Variants in CDRT4 observed in about 807,000 individuals in gnomAD.
CDRT4 encodes the protein CMT1A duplicated region transcript 4 protein.
For synonymous variants in CDRT4, 64 were observed against 69.6 expected, an observed-to-expected ratio of 0.92 and a Z score of 0.40; for missense variants, 167 against 193.1, an observed-to-expected ratio of 0.87 and a Z score of 0.80.
intron 2 of CDRT4, among the ~76,000 whole-genome samples, chr17:15,442,262 T>C (rs1216928111): frequency 6.6e-6 from 1 of 151,946 alleles, no homozygotes; most frequent in Non-Finnish European, 1.5e-5. Context: ...TATACAAAAT[T>C]AGCTGGGCGT....
intron 1 of CDRT4, among the ~76,000 whole-genome samples, chr17:15,463,113 G>A (rs1471619432): frequency 1.3e-5 from 2 of 152,168 alleles, no homozygotes; most frequent in Admixed American, 6.5e-5. Context: ...GTGTGTGGGT[G>A]TGAGTGTGCC....
Position 15,438,226 on chromosome 17 carries a change from A to G in CDRT4, c.32-26T>C, listed in dbSNP as rs747328379. Reference sequence around the variant, plus strand: ...CTACCAACAAAGAGAAATGCAGGCCATTTAGAGGCAGTCACATGCAATAGC... The same window carrying G: ...CTACCAACAAAGAGAAATGCAGGCCGTTTAGAGGCAGTCACATGCAATAGC... On this transcript the variant is annotated intron_variant, in intron 3 of 3. Transcript: ENST00000619038. 10 of 1,601,274 alleles carry G rather than the reference A, an allele frequency of 6.2e-6. No homozygotes were observed. The African/African-American group carries it at 1.3e-4, about 22-fold the overall frequency.
Position 15,467,554 on chromosome 17 carries a change from C to T in CDRT4, c.-224G>A, listed in dbSNP as rs1469663194. Reference sequence around the variant, plus strand: ...TTTGTCTCCAGCTGTCCCCTGTGCTCTCAATCCCACTTCTCTTTGGCTCTC... The same window carrying T: ...TTTGTCTCCAGCTGTCCCCTGTGCTTTCAATCCCACTTCTCTTTGGCTCTC... On this transcript the variant is annotated 5_prime_UTR_variant, in exon 1 of 4. Coordinates refer to ENST00000619038, the MANE Select transcript of CDRT4 (RefSeq NM_001204477.2). The T allele has an allele frequency of 3.9e-5, 6 of 152,426 alleles. No individual in the cohort carries two copies. 9.4% of individuals were successfully genotyped at this position (152,426 alleles called of 1,614,324 possible).
intron 2 of CDRT4, among the ~76,000 whole-genome samples, chr17:15,442,287 G>A (rs551376278): frequency 1.5e-4 from 23 of 152,128 alleles, no homozygotes; most frequent in Admixed American, 3.9e-4. Context: ...ATGCATGCCT[G>A]TAATCCCAGC....
chr17:15,451,557 G>A (rs1330522676), intron 2 of CDRT4, among the ~76,000 whole-genome samples: 1 of 151,982 alleles, frequency 6.6e-6, no homozygotes, highest in Non-Finnish European at 1.5e-5. Flanking sequence ...CACAAGCCTT[G>A]GCCAGAGCAG....
At chr17:15,465,221 A>C (rs1391738276) in intron 1 of CDRT4, among the ~76,000 whole-genome samples, 1 of 133,132 alleles carries the variant, frequency 7.5e-6, no homozygotes, top group Non-Finnish European at 1.5e-5. Context: ...GACACACACC[A>C]ACACACAGAC....
At chr17:15,438,999 G>T in intron 3 of CDRT4, 1 of 388,882 alleles carries the variant, frequency 2.6e-6, no homozygotes, top group Non-Finnish European at 5.2e-6. Context: ...AGGGGGGTGG[G>T]TGTTGCTAGA....
chr17:15,439,251 C>T (rs1348593249), intron 3 of CDRT4: 6 of 435,168 alleles, frequency 1.4e-5, no homozygotes, highest in Admixed American at 1.0e-4. Context: ...AGTCATCTTG[C>T]CATCTCCAAA....
chr17:15,437,937 A>C lies in CDRT4; in HGVS notation c.295T>G (p.Leu99Val), dbSNP rs752827246. 6.2e-7 allele frequency: 1 copy of C among 1,614,172 alleles called. No individual in the cohort carries two copies. The highest frequency in any genetic ancestry group is 8.5e-7 in the Non-Finnish European group (1 of 1,180,020). Residue 99 changes from leucine (L) to valine (V), a missense_variant, in exon 4 of 4, where the codon TTA becomes GTA. Physicochemically the swap from Leu to Val is conservative, Grantham distance 32 (BLOSUM62 1). Transcript: ENST00000619038. ...ACCGAATAAGCGCCCCACATTGATA[A>C]CGTGGATTCTGACAGCGTGTCCCTG... is the stretch of plus-strand genomic sequence containing the variant. ...VFRDTLSEST[L>V]SMWGAYSVLA... is the part of the protein sequence containing the mutation.
chr17:15,461,411 G>A (rs1250251653), intron 1 of CDRT4, among the ~76,000 whole-genome samples: 2 of 152,246 alleles, frequency 1.3e-5, no homozygotes, highest in African/African-American at 4.8e-5. Flanking sequence ...ATGCTGGGAA[G>A]ACTTCCTGGG....
At chr17:15,467,132 T>G (rs1980079073) in intron 1 of CDRT4, among the ~76,000 whole-genome samples, 1 of 152,076 alleles carries the variant, frequency 6.6e-6, no homozygotes, top group African/African-American at 2.4e-5. Context: ...CAGCCCTGAG[T>G]GTACAATAGA....
chr17:15,462,523 AG>A (rs1979804997), intron 1 of CDRT4, among the ~76,000 whole-genome samples: 1 of 151,482 alleles, frequency 6.6e-6, no homozygotes, highest in African/African-American at 2.4e-5. Context: ...GGGGAAACAG[AG>A]GGTTCCTTAG....
intron 3 of CDRT4, chr17:15,439,059 A>G: frequency 2.2e-6 from 1 of 454,252 alleles, no homozygotes; most frequent in Non-Finnish European, 4.4e-6. Flanking sequence ...CAGATCCAAA[A>G]TCATGGGCAT....
intron 3 of CDRT4, 41 bp downstream of exon 3, chr17:15,440,167 C>G: frequency 6.2e-7 from 1 of 1,608,690 alleles, no homozygotes; most frequent in Non-Finnish European, 8.5e-7. Context: ...CCTAGACGGC[C>G]CCAGTGCAGG....
At chr17:15,449,364 T>C (rs369161670) in intron 2 of CDRT4, among the ~76,000 whole-genome samples, 14 of 152,176 alleles carry the variant, frequency 9.2e-5, no homozygotes, top group African/African-American at 3.4e-4. Flanking sequence ...AAGCAGCCTG[T>C]CCAAGGTCAC....
intron 1 of CDRT4, among the ~76,000 whole-genome samples, chr17:15,459,292 G>A (rs1979631530): frequency 6.6e-6 from 1 of 152,088 alleles, no homozygotes; most frequent in Admixed American, 6.5e-5. Context: ...CCCAACAGGG[G>A]CTCTGCCATC....
Position 15,438,208 on chromosome 17 carries a change from C to A in CDRT4, c.32-8G>T. The stretch of plus-strand genomic sequence containing the variant: ...CAGTGTTTTCTGTGAGTCCTACCAA[C>A]AAAGAGAAATGCAGGCCATTTAGAG... On this transcript the variant is annotated splice_region_variant and splice_polypyrimidine_tract_variant and intron_variant, in intron 3 of 3. Coordinates refer to ENST00000619038, the MANE Select transcript of CDRT4 (RefSeq NM_001204477.2). 1 of 1,609,684 alleles carries A rather than the reference C, an allele frequency of 6.2e-7. No homozygotes were observed.
intron 1 of CDRT4, among the ~76,000 whole-genome samples, chr17:15,457,774 G>A (rs1220846320): frequency 3.3e-5 from 5 of 152,190 alleles, no homozygotes; most frequent in African/African-American, 1.2e-4. Context: ...GGAGGGCCAG[G>A]AGGGGCTCCA....
chr17:15,444,392 G>A (rs1290218877), intron 2 of CDRT4, among the ~76,000 whole-genome samples: 1 of 152,104 alleles, frequency 6.6e-6, no homozygotes, highest in Non-Finnish European at 1.5e-5. Flanking sequence ...AAATGTAGGT[G>A]CCCACTCCCA....
Sources: allele counts gnomAD v4.1 joint callset (sites outside exome capture counted in the v4.1 genomes callset), GRCh38; gene constraint gnomAD v4.1.1; transcripts MANE v1.5; gene names NCBI Gene and HGNC (gene_info 2026-07-23, HGNC 2026-07-21).